The following IRAK1 variants were observed in gnomAD, a reference collection of about 807,000 sequenced individuals.
IRAK1 encodes interleukin-1 receptor-associated kinase 1.
A neutral mutation model predicts 49.8 loss-of-function variants in IRAK1; 9 were observed. The observed-to-expected ratio is 0.18, with a 90% confidence interval of 0.11 to 0.32. The LOEUF (loss-of-function observed/expected upper bound fraction) is 0.32. Among genes scored for constraint, IRAK1 ranks in the 10% least tolerant of loss-of-function variants. The pLI is 1.00. For synonymous variants in IRAK1, 282 were observed against 270.8 expected (o/e 1.04, Z -0.41); for missense variants, 418 against 600.5 (o/e 0.70, Z 3.18).
Position 154,012,612 on chromosome X carries a change from C to T in IRAK1, c.1997G>A (p.Arg666Gln), listed in dbSNP as rs2065707506. 1 of 1,211,581 alleles carries T rather than the reference C, an allele frequency of 8.3e-7. No homozygotes were observed. The highest frequency in any genetic ancestry group is 1.1e-6 in the Non-Finnish European group (1 of 895,152). The change falls in exon 13 of 14, where the codon CGA becomes CAA. Residue 666 changes from arginine (R) to glutamine (Q), a missense_variant. Coordinates refer to ENST00000369980, the MANE Select transcript of IRAK1 (RefSeq NM_001569.4). ...GGCCAGCTTCTGGACCATCTTCTGT[C>T]GGGCAGGGTTGATGATAATCTGCGG... ...EPPQIIINPA[R>Q]QKMVQKLALY...
chrX:154,017,506 T>C (rs781835698), intron 7 of IRAK1, among the ~76,000 whole-genome samples: 5 of 111,867 alleles, frequency 4.5e-5, no homozygotes, highest in Admixed American at 9.4e-5. Context: ...ATAGAAAACA[T>C]TGGGTCGGGC....
At chrX:154,014,872 C>T (rs1167417037) in intron 10 of IRAK1, among the ~76,000 whole-genome samples, 1 of 111,622 alleles carries the variant, frequency 9.0e-6, no homozygotes, top group Non-Finnish European at 1.9e-5. Context: ...TGGGGGAGAG[C>T]CCCATGGAGC....
chrX:154,010,798 G>C lies in IRAK1; in HGVS notation c.*1061C>G, dbSNP rs1557127197. ...CTCACTGTCTGGGTAACTAGGTCTT[G>C]GGCCTAGCTAGACCTTGGGTAGTGG... On this transcript the variant is annotated 3_prime_UTR_variant, in exon 14 of 14. Transcript: ENST00000369980. The C allele has an allele frequency of 3.9e-6, 1 of 254,064 alleles. No homozygotes were observed. The highest frequency in any genetic ancestry group is 2.9e-5 in the African/African-American group (1 of 34,977). 20.9% of individuals were successfully genotyped at this position (254,064 alleles called of 1,213,427 possible).
intron 7 of IRAK1, among the ~76,000 whole-genome samples, chrX:154,017,582 G>A (rs1557129684): frequency 9.0e-6 from 1 of 111,135 alleles, no homozygotes. Flanking sequence ...GACCACCTGG[G>A]GTCAGGAGTT....
Position 154,013,451 on chromosome X carries a change from G to A in IRAK1, c.1540-18C>T, listed in dbSNP as rs1557128191. On this transcript the variant is annotated intron_variant, in intron 11 of 13. Coordinates refer to ENST00000369980, the MANE Select transcript of IRAK1 (RefSeq NM_001569.4). The stretch of plus-strand genomic sequence containing the variant: ...TCGTACACCTGCAAGTGGAAAAGAG[G>A]GACTCTCAGGGTGAGATGGCAGCCC... The A allele has an allele frequency of 1.7e-6, 2 of 1,159,926 alleles. No homozygotes were observed. Among genetic ancestry groups the A allele is most frequent in the Non-Finnish European group, 2.3e-6 (2 of 874,680 alleles).
rs782737298 is a variant in IRAK1, at chrX:154,018,708, C to T, written c.620G>A (p.Arg207Gln). 20 of 1,142,925 alleles carry T rather than the reference C, an allele frequency of 1.7e-5. No homozygotes were observed. The highest frequency in any genetic ancestry group is 2.4e-5 in the Non-Finnish European group (20 of 834,973). 94.2% of individuals were successfully genotyped at this position (1,142,925 alleles called of 1,213,427 possible). A position where few individuals can be genotyped will look rare whatever the true frequency, so the allele number is the denominator to read the frequency against. ...PFCWPLCEISRGTHNFSEELK... is the reference protein window; with the variant it reads ...PFCWPLCEISQGTHNFSEELK... ...CTCCTCCGAGAAGTTGTGGGTGCCC[C>T]GGGAAATCTCACAGAGGGGCCAGCA... The change falls in exon 5 of 14, where the codon CGG (arginine) becomes CAG (glutamine). Residue 207 changes from arginine (R) to glutamine (Q), a missense_variant. Coordinates refer to ENST00000369980, the MANE Select transcript of IRAK1 (RefSeq NM_001569.4).
At chrX:154,015,241 A>G (rs1389831961) in intron 10 of IRAK1, among the ~76,000 whole-genome samples, 2 of 112,185 alleles carry the variant, frequency 1.8e-5, no homozygotes, top group Non-Finnish European at 3.8e-5. Flanking sequence ...CTTTGAAAAG[A>G]GCACTTTGGC....
At position 154,014,144 on chromosome X, in the gene IRAK1, G is replaced by A; in HGVS notation, c.1437C>T (p.Asp479=). 1 of 1,209,576 alleles carries A rather than the reference G, an allele frequency of 8.3e-7. No homozygotes were observed. The highest frequency in any genetic ancestry group is 1.1e-6 in the Non-Finnish European group (1 of 894,555). Residue 479 remains aspartate (D), a synonymous_variant, in exon 11 of 14, where the codon GAC becomes GAT. Coordinates refer to ENST00000369980, the MANE Select transcript of IRAK1 (RefSeq NM_001569.4). ...CAGGTGGGCAGGGCCCGGGCCTGGGGTCCAGGTGCTTCTTGTAGATCTGCA... is the reference window on the plus strand; with the variant it reads ...CAGGTGGGCAGGGCCCGGGCCTGGGATCCAGGTGCTTCTTGTAGATCTGCA... ...IAMQIYKKHL[D]PRPGPCPPEL...
At chrX:154,018,535 G>C (rs2065756294) in intron 5 of IRAK1, 64 bp downstream of exon 5, 2 of 987,028 alleles carry the variant, frequency 2.0e-6, no homozygotes, top group Non-Finnish European at 2.9e-6. Flanking sequence ...AGGGGGAAAG[G>C]CTGGAGAAGT....
chrX:154,013,318 C>A lies in IRAK1; in HGVS notation c.1655G>T (p.Gly552Val). The A allele has an allele frequency of 2.5e-6, 3 of 1,208,177 alleles. No individual in the cohort carries two copies. The highest frequency in any genetic ancestry group is 3.4e-6 in the Non-Finnish European group (3 of 894,486). ...PQENSYVSSTGRAHSGAAPWQ... is the reference protein window; with the variant it reads ...PQENSYVSSTVRAHSGAAPWQ... ...TGGAGCAGCCCCACTGTGGGCTCTG[C>A]CAGTGCTGGACACGTAGGAGTTCTC... The change falls in exon 12 of 14, where the codon GGC becomes GTC. Residue 552 changes from glycine (G) to valine (V), a missense_variant. Physicochemically the swap from Gly to Val is moderately radical, Grantham distance 109. Coordinates refer to ENST00000369980, the MANE Select transcript of IRAK1 (RefSeq NM_001569.4).
rs940214163 is a variant in IRAK1 at position 154,016,393 on chromosome X, G to A, written c.1236+44C>T. The stretch of plus-strand genomic sequence containing the variant: ...CTGCAGCCCCCACCTCTGCCTGCCT[G>A]TGGCTTCTCCTCCTCTGAGCCAGCA... On this transcript the variant is annotated intron_variant, in intron 9 of 13. Coordinates refer to ENST00000369980, the MANE Select transcript of IRAK1 (RefSeq NM_001569.4). 5 of 1,145,142 alleles carry A rather than the reference G, an allele frequency of 4.4e-6. No individual in the cohort carries two copies. In the African/African-American group the frequency reaches 5.3e-5, roughly 12 times the overall value. 94.4% of individuals were successfully genotyped at this position (1,145,142 alleles called of 1,213,427 possible).
At chrX:154,012,794 C>T (rs782124887) in intron 12 of IRAK1, 116 bp from the exon 13 acceptor site, 2 of 884,969 alleles carry the variant, frequency 2.3e-6, no homozygotes, top group African/African-American at 2.0e-5. Context: ...AGGGCAGGGC[C>T]CAGCTCTCAG....
chrX:154,012,969 G>A, intron 12 of IRAK1, 74 bp downstream of exon 12: 1 of 1,135,131 alleles, frequency 8.8e-7, no homozygotes, highest in East Asian at 3.0e-5. Flanking sequence ...CTAGAAGGCT[G>A]GGGTGGGGAC....
intron 10 of IRAK1, among the ~76,000 whole-genome samples, chrX:154,014,877 T>C (rs782614739): frequency 2.0e-4 from 22 of 110,986 alleles, no homozygotes; most frequent in African/African-American, 7.2e-4. Flanking sequence ...GAGAGCCCCA[T>C]GGAGCTGGGG....
intron 1 of IRAK1, 34 bp from the exon 2 acceptor site, chrX:154,019,632 G>A (rs782183832): frequency 4.5e-5 from 43 of 964,735 alleles, no homozygotes; most frequent in Non-Finnish European, 5.5e-5. Context: ...GTCGGCGCCA[G>A]GAGCCCGCGC....
chrX:154,014,244 C>A lies in IRAK1; in HGVS notation c.1337G>T (p.Gly446Val). ...DLVEEEAEEA[G>V]VALRSTQSTL... Reference sequence around the variant, plus strand: ...GCTCTGGGTGCTTCTCAAAGCCACTCCAGCCTCCTCAGCCTCCTCTTCCAC... The same window carrying A: ...GCTCTGGGTGCTTCTCAAAGCCACTACAGCCTCCTCAGCCTCCTCTTCCAC... The change falls in exon 11 of 14, where the codon GGA (glycine) becomes GTA (valine). Residue 446 changes from glycine (G) to valine (V), a missense_variant. Around this residue, in one of 3 missense-constraint regions of IRAK1, gnomAD observed 377 missense variants for 499.5 expected, o/e 0.75. Coordinates refer to ENST00000369980, the MANE Select transcript of IRAK1 (RefSeq NM_001569.4). 1 of 1,208,495 alleles carries A rather than the reference C, an allele frequency of 8.3e-7. No homozygotes were observed. Among genetic ancestry groups the A allele is most frequent in the East Asian group, 3.0e-5 (1 of 33,799 alleles).
At chrX:154,016,369 T>G in intron 9 of IRAK1, 68 bp downstream of exon 9, 1 of 1,061,095 alleles carries the variant, frequency 9.4e-7, no homozygotes, top group Non-Finnish European at 1.3e-6. Context: ...CAGTGCACTC[T>G]GCAGCCCCCA....
At chrX:154,012,814 C>T (rs1032668879) in intron 12 of IRAK1, 136 bp from the exon 13 acceptor site, 8 of 789,203 alleles carry the variant, frequency 1.0e-5, no homozygotes, top group Admixed American at 3.7e-5. Context: ...GGCTACCAGA[C>T]AGAGCCCTCC....
chrX:154,012,581 G>A lies in IRAK1; in HGVS notation c.2028C>T (p.Tyr676=). Residue 676 remains tyrosine, a synonymous_variant, in exon 13 of 14, where the codon TAC becomes TAT. Coordinates refer to ENST00000369980, the MANE Select transcript of IRAK1 (RefSeq NM_001569.4). ...GCAGGCTGTCCAGGGCCCCATCCTCGTACAGGGCCAGCTTCTGGACCATCT... is the reference window on the plus strand; with the variant it reads ...GCAGGCTGTCCAGGGCCCCATCCTCATACAGGGCCAGCTTCTGGACCATCT... ...RQKMVQKLAL[Y]EDGALDSLQL... 16 of 1,211,632 alleles carry A rather than the reference G, an allele frequency of 1.3e-5. No individual in the cohort carries two copies. The highest frequency in any genetic ancestry group is 1.8e-5 in the Non-Finnish European group (16 of 895,191).
Sources: allele counts gnomAD v4.1 joint callset (sites outside exome capture counted in the v4.1 genomes callset), GRCh38; gene constraint gnomAD v4.1.1; regional missense constraint gnomAD v4.1.1; transcripts MANE v1.5; gene names NCBI Gene and HGNC (gene_info 2026-07-23, HGNC 2026-07-21).